Variants in YPEL5 observed in about 807,000 individuals in gnomAD.
YPEL5 encodes the protein protein yippee-like 5.
A neutral mutation model predicts 10.5 loss-of-function variants in YPEL5; 1 was observed. That is an observed-to-expected ratio of 0.10 (90% CI 0.03 to 0.45). The LOEUF is 0.45. YPEL5 is among the 20% of genes least tolerant of loss of function. YPEL5 has a pLI of 0.97. For missense variants in YPEL5, 68 were observed against 159.3 expected (o/e 0.43, Z 3.09); for synonymous variants, 61 against 56.6 (o/e 1.08, Z -0.35).
chr2:30,157,407 C>T (rs1273230547), intron 2 of YPEL5, among the ~76,000 whole-genome samples: 1 of 152,204 alleles, frequency 6.6e-6, no homozygotes, highest in East Asian at 1.9e-4. Context: ...ACCTCCCTTT[C>T]TCCACATGTC....
At chr2:30,158,548 A>G (rs889509478) in intron 2 of YPEL5, 71 bp from the exon 3 acceptor site, 4 of 1,452,202 alleles carry the variant, frequency 2.8e-6, no homozygotes, top group South Asian at 1.2e-5. Flanking sequence ...TGCATTAACC[A>G]TAATATTTTG....
At chr2:30,153,120 T>C (rs747783097) in intron 1 of YPEL5, among the ~76,000 whole-genome samples, 13 of 152,170 alleles carry the variant, frequency 8.5e-5, no homozygotes, top group South Asian at 2.1e-4. Context: ...CCAGGATGGT[T>C]TCGATCTCCT....
intron 1 of YPEL5, among the ~76,000 whole-genome samples, chr2:30,149,175 A>G (rs1212682378): frequency 6.6e-6 from 1 of 152,258 alleles, no homozygotes; most frequent in Non-Finnish European, 1.5e-5. Flanking sequence ...TTCCTGAGTG[A>G]AATGACTAGT....
intron 1 of YPEL5, among the ~76,000 whole-genome samples, chr2:30,150,284 A>G (rs981648691): frequency 2.6e-5 from 4 of 152,220 alleles, no homozygotes; most frequent in African/African-American, 9.6e-5. Context: ...ATCTAGTTTT[A>G]CTGACCTTTA....
intron 1 of YPEL5, among the ~76,000 whole-genome samples, chr2:30,149,099 A>T (rs1205780962): frequency 6.6e-6 from 1 of 152,200 alleles, no homozygotes; most frequent in Non-Finnish European, 1.5e-5. Flanking sequence ...AAACGAGACC[A>T]TGAAATTGTC....
At chr2:30,147,737 C>G (rs932857707) in intron 1 of YPEL5, 2 of 151,954 alleles carry the variant, frequency 1.3e-5, no homozygotes, top group Non-Finnish European at 2.9e-5. Context: ...CCGGGACTGA[C>G]AGCGCAGGGT....
intron 1 of YPEL5, among the ~76,000 whole-genome samples, chr2:30,149,256 GA>G (rs1198620726): frequency 6.6e-6 from 1 of 151,966 alleles, no homozygotes; most frequent in Non-Finnish European, 1.5e-5. Flanking sequence ...AACAAAACAG[GA>G]AAAAATAAGG....
intron 2 of YPEL5, 139 bp from the exon 3 acceptor site, chr2:30,158,480 T>C: frequency 2.6e-6 from 2 of 775,682 alleles, no homozygotes; most frequent in Non-Finnish European, 4.2e-6. Flanking sequence ...AAATAAGTCT[T>C]GCGTATTATA....
At chr2:30,156,520 G>A (rs1328330688) in intron 1 of YPEL5, 108 bp from the exon 2 acceptor site, 4 of 1,047,628 alleles carry the variant, frequency 3.8e-6, no homozygotes, top group African/African-American at 1.6e-5. Context: ...GTACTACAAA[G>A]CAGAGATTAC....
At chr2:30,149,202 T>C (rs1675662011) in intron 1 of YPEL5, among the ~76,000 whole-genome samples, 1 of 152,186 alleles carries the variant, frequency 6.6e-6, no homozygotes. Flanking sequence ...TTCTAATATT[T>C]AAATATAAGT....
intron 1 of YPEL5, among the ~76,000 whole-genome samples, chr2:30,149,989 G>A (rs1159866162): frequency 6.6e-6 from 1 of 152,212 alleles, no homozygotes; most frequent in African/African-American, 2.4e-5. Context: ...TTTAGGGCTG[G>A]GAAGTGGTGC....
At chr2:30,150,450 C>A (rs1675730707) in intron 1 of YPEL5, among the ~76,000 whole-genome samples, 1 of 152,198 alleles carries the variant, frequency 6.6e-6, no homozygotes, top group South Asian at 2.1e-4. Flanking sequence ...GGGGGAAGAG[C>A]TGAGATTTGA....
rs1180609498 is a variant in YPEL5, at chr2:30,159,586, T to C, written c.*743T>C. The stretch of plus-strand genomic sequence containing the variant: ...TCCTGTGTTGCTTTTAAAAACACCT[T>C]ATAAAAGAGGAGAGTATTTGATAAG... On this transcript the variant is annotated 3_prime_UTR_variant, in exon 3 of 3. Transcript: ENST00000261353. The C allele has an allele frequency of 2.0e-5, 3 of 152,628 alleles. No individual in the cohort carries two copies. The highest frequency in any genetic ancestry group is 7.2e-5 in the African/African-American group (3 of 41,450). The allele number at this position is 152,628 out of a possible 1,614,324, so 9.5% of individuals were successfully genotyped here.
At chr2:30,150,786 AC>A (rs373584143) in intron 1 of YPEL5, among the ~76,000 whole-genome samples, 33 of 152,288 alleles carry the variant, frequency 2.2e-4, no homozygotes, top group African/African-American at 7.5e-4. Flanking sequence ...AGCAGGGAAA[AC>A]TTTTTTTTGG....
chr2:30,155,300 CAT>C (rs1675995026), intron 1 of YPEL5, among the ~76,000 whole-genome samples: 2 of 152,168 alleles, frequency 1.3e-5, no homozygotes, highest in African/African-American at 4.8e-5. Flanking sequence ...TAAGGGGAGT[CAT>C]AATGATTTTT....
chr2:30,149,703 T>C (rs1675692880), intron 1 of YPEL5, among the ~76,000 whole-genome samples: 1 of 152,246 alleles, frequency 6.6e-6, no homozygotes, highest in African/African-American at 2.4e-5. Flanking sequence ...AAACCACCTC[T>C]GCAAGGGGCA....
intron 1 of YPEL5, chr2:30,148,319 A>G (rs1675608153): frequency 6.6e-6 from 1 of 152,230 alleles, no homozygotes; most frequent in African/African-American, 2.4e-5. Flanking sequence ...ACTTCGGGCT[A>G]ACCTTGTGTT....
chr2:30,151,107 C>G (rs1349617582), intron 1 of YPEL5, among the ~76,000 whole-genome samples: 2 of 152,112 alleles, frequency 1.3e-5, no homozygotes, highest in Admixed American at 6.5e-5. Flanking sequence ...ATGAGCCAGA[C>G]AAGTGAACAA....
At chr2:30,150,243 T>C (rs1350873923) in intron 1 of YPEL5, among the ~76,000 whole-genome samples, 1 of 152,180 alleles carries the variant, frequency 6.6e-6, no homozygotes, top group Non-Finnish European at 1.5e-5. Context: ...TGTCATAGGG[T>C]GAGTTGGGAT....
Sources: gnomAD v4.1 joint callset for allele counts (sites outside exome capture counted in the v4.1 genomes callset) on GRCh38, gnomAD v4.1.1 for gene constraint, MANE v1.5 for transcripts, NCBI Gene and HGNC (gene_info 2026-07-23, HGNC 2026-07-21) for gene names.